FCMR: variants seen among roughly 807,000 people sequenced by gnomAD.
FCMR encodes the protein Fc mu receptor.
A neutral mutation model predicts 41.6 loss-of-function variants in FCMR; 34 were observed. The observed-to-expected ratio is 0.82, with a 90% CI of 0.62 to 1.09. FCMR has a LOEUF of 1.09. Ranked by LOEUF, FCMR falls within the 50% of genes least tolerant of loss-of-function variation. The probability of loss-of-function intolerance (pLI) is 0.00; values close to 1 mark genes in which losing one functional copy is unlikely to be tolerated. For synonymous variants in FCMR, 209 were observed against 211.8 expected, an observed-to-expected ratio of 0.99 and a Z score of 0.12; for missense variants, 496 against 512.5, an observed-to-expected ratio of 0.97 and a Z score of 0.31.
At chr1:206,910,701 T>G (rs1397941141) in intron 4 of FCMR, among the ~76,000 whole-genome samples, 1 of 152,120 alleles carries the variant, frequency 6.6e-6, no homozygotes, top group African/African-American at 2.4e-5. Context: ...CTTAGTTTCT[T>G]CACGAGATTA....
In FCMR at chr1:206,909,511, T is replaced by A. The variant is rs1678823687; in HGVS notation, c.995A>T (p.Glu332Val). ...ARGADAAGTGEAPVPGPGAPL... is the reference protein window; with the variant it reads ...ARGADAAGTGVAPVPGPGAPL... Reference sequence around the variant, plus strand: ...CGCTCCGGGGCCGGGAACGGGGGCCTCCCCTGTGCCTAGGGAACAGCGAGG... The same window carrying A: ...CGCTCCGGGGCCGGGAACGGGGGCCACCCCTGTGCCTAGGGAACAGCGAGG... The change falls in exon 7 of 8, where the codon GAG becomes GTG. Residue 332 changes from glutamate (E) to valine (V), a missense_variant. Coordinates refer to ENST00000367091, the MANE Select transcript of FCMR (RefSeq NM_005449.5). This position sits in a 1 kb window ranked among gnomAD's most constrained non-coding sequence, Gnocchi z 5.0. 6 of 1,290,858 alleles carry A rather than the reference T, an allele frequency of 4.6e-6. No individual in the cohort carries two copies. In the South Asian group the frequency reaches 1.5e-4, roughly 32 times the overall value. The allele number at this position is 1,290,858 out of a possible 1,614,324, so 80.0% of individuals were successfully genotyped here.
At chr1:206,907,754 A>T (rs1474083604) in intron 7 of FCMR, 1 of 1,154,772 alleles carries the variant, frequency 8.7e-7, no homozygotes, top group East Asian at 2.3e-5. Context: ...CATTTCTGGC[A>T]ATTTCTACAG....
intron 7 of FCMR, among the ~76,000 whole-genome samples, chr1:206,907,080 C>CGGGGGGTGG (rs1558645933): frequency 1.2e-4 from 3 of 25,692 alleles, no homozygotes; most frequent in Non-Finnish European, 1.6e-4. Flanking sequence ...CCGGAGAAGC[C>CGGGGGGTGG]GGGGGGTGGG....
At chr1:206,907,799 C>A (rs1274630305) in intron 7 of FCMR, 11 of 1,387,108 alleles carry the variant, frequency 7.9e-6, no homozygotes, top group African/African-American at 1.4e-5. Flanking sequence ...CCCCCGCAAG[C>A]GGATGAACAC....
chr1:206,922,553 A>G (rs1417361802), upstream of FCMR, among the ~76,000 whole-genome samples: 1 of 152,196 alleles, frequency 6.6e-6, no homozygotes, highest in Admixed American at 6.5e-5. Flanking sequence ...AGGACTTCAC[A>G]TAGCTCCCCA....
chr1:206,907,745 A>G, intron 7 of FCMR: 1 of 1,095,788 alleles, frequency 9.1e-7, no homozygotes. Flanking sequence ...GGGCATCAAC[A>G]TTTCTGGCAA....
At position 206,911,454 on chromosome 1, in the gene FCMR, C is replaced by G. The variant is rs554011236; in HGVS notation, c.710+276G>C. On this transcript the variant is annotated intron_variant, in intron 4 of 7. Transcript: ENST00000367091. ...TTTAATAGTTAATTTTATTTTTATT[C>G]TCATTTAGTTCTTCCCCATAAAAAT... Among the ~76,000 whole-genome samples the G allele has an allele frequency of 3.0e-4, 46 of 152,144 alleles. 1 individual carries two copies. The Middle Eastern group carries it at 0.01, about 34-fold the overall frequency.
chr1:206,917,609 C>T (rs1020302784), intron 1 of FCMR, among the ~76,000 whole-genome samples: 1 of 152,106 alleles, frequency 6.6e-6, no homozygotes, highest in African/African-American at 2.4e-5. Flanking sequence ...CACACATGTC[C>T]TGCTATTGCC....
upstream of FCMR, among the ~76,000 whole-genome samples, chr1:206,922,567 C>A (rs541637877): frequency 7.9e-5 from 12 of 152,368 alleles, no homozygotes; most frequent in African/African-American, 2.9e-4. Context: ...CTCCCCAGCA[C>A]CTCAGCCAAC....
rs567925339 is a variant in FCMR, at chr1:206,915,436, T to C, written c.38-1342A>G. 4.6e-5 allele frequency among the ~76,000 whole-genome samples: 7 copies of C among 151,844 alleles called. 1 individual carries two copies. The South Asian group carries it at 1.5e-3, about 32-fold the overall frequency. On this transcript the variant is annotated intron_variant, in intron 1 of 7. Coordinates refer to ENST00000367091, the MANE Select transcript of FCMR (RefSeq NM_005449.5). ...GGGGACATAGGAGGGGAAGTGAGGGTGTGTGTGTATGTGTGCATAGGTGTG... is the reference window on the plus strand; with the variant it reads ...GGGGACATAGGAGGGGAAGTGAGGGCGTGTGTGTATGTGTGCATAGGTGTG...
At chr1:206,911,003 A>G (rs533287676) in intron 4 of FCMR, among the ~76,000 whole-genome samples, 7 of 152,276 alleles carry the variant, frequency 4.6e-5, no homozygotes, top group African/African-American at 1.2e-4. Context: ...ATCTTCTTAT[A>G]TCTTCAGGAC....
At chr1:206,911,558 T>G (rs1678939550) in intron 4 of FCMR, among the ~76,000 whole-genome samples, 172 bp downstream of exon 4, 1 of 152,174 alleles carries the variant, frequency 6.6e-6, no homozygotes, top group Non-Finnish European at 1.5e-5. Flanking sequence ...CATTGACAAG[T>G]GTGTTTTTGT....
intron 7 of FCMR, chr1:206,906,525 A>G (rs1173539892): frequency 6.5e-6 from 1 of 152,986 alleles, no homozygotes; most frequent in Non-Finnish European, 1.5e-5. Flanking sequence ...AGATGGTTTT[A>G]GATTTGCTAA....
chr1:206,907,421 C>G lies in FCMR; in HGVS notation c.1044+2041G>C, dbSNP rs574158048. ...TCCAGAGGATGGCGCAGCAACCAGA[C>G]AGAGGGAATTTCAGTCCCGAGATGA... On this transcript the variant is annotated intron_variant, in intron 7 of 7. Transcript: ENST00000367091. Among the ~76,000 whole-genome samples the G allele has an allele frequency of 1.1e-4, 17 of 152,314 alleles. No individual in the cohort carries two copies. In the South Asian group the frequency reaches 3.5e-3, roughly 32 times the overall value.
chr1:206,921,754 T>C, intron 1 of FCMR, 64 bp downstream of exon 1: 2 of 1,448,870 alleles, frequency 1.4e-6, no homozygotes, highest in East Asian at 2.3e-5. Context: ...ACCAGGCAAT[T>C]ATTCTACTTG....
intron 2 of FCMR, 58 bp downstream of exon 2, chr1:206,913,701 C>T: frequency 7.1e-7 from 1 of 1,408,522 alleles, no homozygotes; most frequent in Non-Finnish European, 1.0e-6. Flanking sequence ...CTGTTCCAAT[C>T]TTCCCAAGTG....
At chr1:206,916,483 A>G (rs950947984) in intron 1 of FCMR, among the ~76,000 whole-genome samples, 4 of 152,184 alleles carry the variant, frequency 2.6e-5, no homozygotes, top group Non-Finnish European at 5.9e-5. Flanking sequence ...CAGGCCTCCC[A>G]GGGTTGAGCT....
intron 7 of FCMR, among the ~76,000 whole-genome samples, chr1:206,908,732 A>G (rs1265816518): frequency 2.0e-5 from 3 of 152,186 alleles, no homozygotes; most frequent in Admixed American, 2.0e-4. Context: ...AAAGAAAAAA[A>G]AAACAGGGAT....
intron 7 of FCMR, chr1:206,908,069 C>T: frequency 8.9e-7 from 1 of 1,122,444 alleles, no homozygotes; most frequent in Admixed American, 1.9e-5. Context: ...AAGTACCAGG[C>T]AGTGATAACC....
Sources: gnomAD v4.1 joint callset for allele counts (sites outside exome capture counted in the v4.1 genomes callset) on GRCh38, gnomAD v4.1.1 for gene constraint, Gnocchi (gnomAD v3.1) non-coding constraint, MANE v1.5 for transcripts, NCBI Gene and HGNC (gene_info 2026-07-23, HGNC 2026-07-21) for gene names.